Variants in SHISA9 observed in about 807,000 individuals in gnomAD.
SHISA9 encodes the protein protein shisa-9.
Under a neutral mutation model 38.0 loss-of-function variants are expected in SHISA9, and 13 were observed. The observed-to-expected ratio is 0.34, with a 90% CI of 0.22 to 0.54. The LOEUF (loss-of-function observed/expected upper bound fraction) is 0.54. Among genes scored for constraint, SHISA9 ranks in the 20% least tolerant of loss-of-function variants. SHISA9 has a pLI of 0.91. For missense variants in SHISA9, 538 were observed against 575.8 expected, an observed-to-expected ratio of 0.93 and a Z score of 0.67; for synonymous variants, 275 against 242.0, an observed-to-expected ratio of 1.14 and a Z score of -1.27.
chr16:12,989,438 C>T (rs929902080), intron 2 of SHISA9, among the ~76,000 whole-genome samples: 4 of 152,052 alleles, frequency 2.6e-5, no homozygotes, highest in African/African-American at 9.7e-5. Flanking sequence ...TCAGCCTCCC[C>T]CGGGTGTTGG....
At chr16:13,531,942 T>C in the SHISA9 span, among the ~76,000 whole-genome samples, 1 of 152,214 alleles carries the variant, frequency 6.6e-6, no homozygotes, top group Admixed American at 6.5e-5. Flanking sequence ...CTTTGTCTCA[T>C]TTAGTGATGA....
chr16:13,413,455 T>C, the SHISA9 span, among the ~76,000 whole-genome samples: 3 of 152,044 alleles, frequency 2.0e-5, no homozygotes, highest in Admixed American at 1.3e-4. Flanking sequence ...GCTGAGATTC[T>C]AGGTAAATTT....
At chr16:13,298,280 G>A in the SHISA9 span, among the ~76,000 whole-genome samples, 34 of 152,244 alleles carry the variant, frequency 2.2e-4, no homozygotes, top group African/African-American at 8.2e-4. Flanking sequence ...TACTAAGCTG[G>A]AAGGAACTGA....
intron 2 of SHISA9, among the ~76,000 whole-genome samples, chr16:13,056,642 G>T (rs567827151): frequency 6.6e-6 from 1 of 152,186 alleles, no homozygotes. Flanking sequence ...GGAGCTGTGT[G>T]GTCTTAGCTA....
At chr16:13,173,021 G>T (rs1281135540) in intron 2 of SHISA9, among the ~76,000 whole-genome samples, 1 of 152,010 alleles carries the variant, frequency 6.6e-6, no homozygotes, top group Non-Finnish European at 1.5e-5. Context: ...ATATAATGAT[G>T]CTTTAATGAC....
chr16:13,517,174 CAG>C, the SHISA9 span, among the ~76,000 whole-genome samples: 1 of 152,086 alleles, frequency 6.6e-6, no homozygotes, highest in East Asian at 1.9e-4. Flanking sequence ...AAGAAAAAAG[CAG>C]AGAGTGGAGT....
rs77210840 is a variant in SHISA9 at position 12,946,080 on chromosome 16, C to G, written c.691+29265C>G. ...AGTTGGCTAACCTGTTTTCCCAGCA[C>G]CATTTATTGAATAGTACATCCTTTC... On this transcript the variant is annotated intron_variant, in intron 2 of 4. Coordinates refer to ENST00000558583, the MANE Select transcript of SHISA9 (RefSeq NM_001145204.3). Among the ~76,000 whole-genome samples the G allele has an allele frequency of 7.3e-3, 1,107 of 152,318 alleles. 20 individuals are homozygous for G. Among genetic ancestry groups the G allele is most frequent in the African/African-American group, 0.025 (1,033 of 41,570 alleles).
At chr16:13,412,694 T>G in the SHISA9 span, among the ~76,000 whole-genome samples, 1 of 151,472 alleles carries the variant, frequency 6.6e-6, no homozygotes, top group Non-Finnish European at 1.5e-5. Flanking sequence ...CCATCTCTAC[T>G]ATAATACAAA....
chr16:13,394,415 T>C, the SHISA9 span, among the ~76,000 whole-genome samples: 1 of 152,212 alleles, frequency 6.6e-6, no homozygotes, highest in Non-Finnish European at 1.5e-5. Flanking sequence ...CATGTCCTTT[T>C]CTGGTCTGGA....
intron 2 of SHISA9, among the ~76,000 whole-genome samples, chr16:12,978,298 T>G (rs2072192717): frequency 2.0e-5 from 3 of 152,204 alleles, no homozygotes; most frequent in Non-Finnish European, 4.4e-5. Flanking sequence ...TAGTCTCCCC[T>G]GGGAAAGAAT....
chr16:13,082,774 G>A (rs1010952970), intron 2 of SHISA9, among the ~76,000 whole-genome samples: 5 of 152,200 alleles, frequency 3.3e-5, no homozygotes, highest in Admixed American at 1.3e-4. Context: ...TTGTACATGT[G>A]TGGGTGGGGG....
rs112196989 is a variant in SHISA9, at chr16:12,922,835, G to T, written c.691+6020G>T. ...ACACCTGGCCCCCATTTTCTTTATA[G>T]CATTTTGTTCTCTTGGAAGTTGTCT... On this transcript the variant is annotated intron_variant, in intron 2 of 4. Transcript: ENST00000558583. 5.1e-3 allele frequency among the ~76,000 whole-genome samples: 781 copies of T among 151,912 alleles called. 6 individuals are homozygous for T. The highest frequency in any genetic ancestry group is 0.018 in the African/African-American group (745 of 41,462).
chr16:13,474,421 G>A, the SHISA9 span: 1 of 152,340 alleles, frequency 6.6e-6, no homozygotes, highest in East Asian at 1.9e-4. Context: ...GTGTCAGATA[G>A]TGGGTTAAGA....
intron 2 of SHISA9, among the ~76,000 whole-genome samples, chr16:13,049,375 C>G (rs7204379): frequency 0.63 from 95,185 of 151,990 alleles, 30,483 homozygotes; most frequent in Middle Eastern, 0.75. Context: ...GTAAGATTGT[C>G]TATCAGGTGC....
chr16:13,206,729 C>G (rs115539602), intron 3 of SHISA9, among the ~76,000 whole-genome samples: 65 of 152,358 alleles, frequency 4.3e-4, no homozygotes, highest in African/African-American at 1.5e-3. Flanking sequence ...ACCCTACGTA[C>G]TGGTTACCCA....
At chr16:13,003,260 C>A (rs2072548422) in intron 2 of SHISA9, among the ~76,000 whole-genome samples, 1 of 152,102 alleles carries the variant, frequency 6.6e-6, no homozygotes, top group South Asian at 2.1e-4. Context: ...CACTGGGGAA[C>A]CATGGACATG....
At chr16:13,349,501 G>A in the SHISA9 span, among the ~76,000 whole-genome samples, 1 of 152,190 alleles carries the variant, frequency 6.6e-6, no homozygotes, top group African/African-American at 2.4e-5. Context: ...GAGGTACTGG[G>A]AGCTCTAATA....
At chr16:13,069,823 A>C (rs558227764) in intron 2 of SHISA9, among the ~76,000 whole-genome samples, 30 of 152,246 alleles carry the variant, frequency 2.0e-4, no homozygotes, top group African/African-American at 7.2e-4. Flanking sequence ...CCCTTATGAA[A>C]GATGTCCCAG....
At chr16:13,291,554 G>T in the SHISA9 span, among the ~76,000 whole-genome samples, 1 of 152,038 alleles carries the variant, frequency 6.6e-6, no homozygotes, top group Non-Finnish European at 1.5e-5. Flanking sequence ...TTTTGTTTTT[G>T]TGTAAGGGAG....
Sources: allele counts gnomAD v4.1 joint callset (sites outside exome capture counted in the v4.1 genomes callset), GRCh38; gene constraint gnomAD v4.1.1; transcripts MANE v1.5; gene names NCBI Gene and HGNC (gene_info 2026-07-23, HGNC 2026-07-21).